The following TAF4B variants were observed in gnomAD, a reference collection of about 807,000 sequenced individuals.
TAF4B encodes the protein TATA-box binding protein associated factor 4b.
In TAF4B, 38 loss-of-function variants were observed where a neutral mutation model predicts 86.4. That is an observed-to-expected ratio of 0.44 (90% confidence interval 0.34 to 0.58). The LOEUF (loss-of-function observed/expected upper bound fraction) is 0.58. TAF4B is among the 20% of genes least tolerant of loss of function. The probability of loss-of-function intolerance (pLI) is 0.02; values close to 1 mark genes in which losing one functional copy is unlikely to be tolerated. For missense variants in TAF4B, 988 were observed against 1,027.6 expected (o/e 0.96, Z 0.53); for synonymous variants, 388 against 391.2 (o/e 0.99, Z 0.10).
chr18:26,363,083 T>C (rs1050933311), intron 14 of TAF4B, among the ~76,000 whole-genome samples: 12 of 152,104 alleles, frequency 7.9e-5, no homozygotes, highest in Admixed American at 2.0e-4. Flanking sequence ...GTTTTTGCTA[T>C]CTATATCTTG....
In TAF4B at chr18:26,335,160, C is replaced by G. The variant is rs746584781; in HGVS notation, c.2260-15C>G. The stretch of plus-strand genomic sequence containing the variant: ...TGCTAGTAATTTCTATTAAAATTTT[C>G]TTTTCCTTTGATAGAGTCGTTCTAA... On this transcript the variant is annotated splice_polypyrimidine_tract_variant and intron_variant, in intron 12 of 14. Coordinates refer to ENST00000269142, the MANE Select transcript of TAF4B (RefSeq NM_005640.3). 4.4e-6 allele frequency: 7 copies of G among 1,601,320 alleles called. No homozygotes were observed. Among genetic ancestry groups the G allele is most frequent in the Non-Finnish European group, 6.0e-6 (7 of 1,170,082 alleles).
At chr18:26,353,384 A>G (rs2057260546) in intron 13 of TAF4B, among the ~76,000 whole-genome samples, 1 of 152,216 alleles carries the variant, frequency 6.6e-6, no homozygotes, top group African/African-American at 2.4e-5. Context: ...AATATGTTTG[A>G]TAAAATTTAA....
At position 26,265,322 on chromosome 18, in the gene TAF4B, T is replaced by A; in HGVS notation, c.489+7T>A. The A allele has an allele frequency of 6.3e-7, 1 of 1,583,022 alleles. No individual in the cohort carries two copies. On this transcript the variant is annotated splice_region_variant and intron_variant, in intron 2 of 14. Coordinates refer to ENST00000269142, the MANE Select transcript of TAF4B (RefSeq NM_005640.3). ...CAAAATCTGTACAGTGCCGGTAATA[T>A]ACCTTAAATATTTTTCATCTTTCTT...
At chr18:26,379,803 G>A (rs2057466106) in intron 14 of TAF4B, among the ~76,000 whole-genome samples, 1 of 151,988 alleles carries the variant, frequency 6.6e-6, no homozygotes, top group African/African-American at 2.4e-5. Flanking sequence ...GCAATACTGA[G>A]GCTTCTAATA....
At chr18:26,289,600 C>T (rs944252926) in intron 7 of TAF4B, among the ~76,000 whole-genome samples, 1 of 152,170 alleles carries the variant, frequency 6.6e-6, no homozygotes, top group African/African-American at 2.4e-5. Context: ...AATCCTCCCA[C>T]CTCTGCCTCC....
intron 13 of TAF4B, among the ~76,000 whole-genome samples, chr18:26,350,832 G>A (rs182945245): frequency 3.9e-5 from 6 of 152,122 alleles, no homozygotes; most frequent in East Asian, 1.9e-4. Context: ...GATATCATTC[G>A]ACCCCAGTGA....
In TAF4B at chr18:26,317,894, A is replaced by T. The variant is rs1268944527; in HGVS notation, c.2002+2496A>T. ...ACATGAATGACTTTTGGGGAGATGC[A>T]AACATTTAGTCCATGCAACTGTATC... On this transcript the variant is annotated intron_variant, in intron 10 of 14. Transcript: ENST00000269142. Among the ~76,000 whole-genome samples the T allele has an allele frequency of 2.0e-5, 3 of 152,194 alleles. No homozygotes were observed. The East Asian group carries it at 5.8e-4, about 29-fold the overall frequency.
chr18:26,235,097 G>A (rs531964201), intron 1 of TAF4B, among the ~76,000 whole-genome samples: 26 of 152,242 alleles, frequency 1.7e-4, no homozygotes, highest in South Asian at 1.2e-3. Context: ...TCTCTGTGGC[G>A]TATAAAGAGA....
chr18:26,332,594 G>T (rs531748182), intron 12 of TAF4B, among the ~76,000 whole-genome samples: 1 of 151,846 alleles, frequency 6.6e-6, no homozygotes, highest in South Asian at 2.1e-4. Flanking sequence ...CAATGGGGTG[G>T]TCTCGGCTCA....
At chr18:26,269,880 C>T (rs1367497981) in intron 3 of TAF4B, among the ~76,000 whole-genome samples, 2 of 152,114 alleles carry the variant, frequency 1.3e-5, no homozygotes, top group African/African-American at 2.4e-5. Flanking sequence ...TACTGATTAT[C>T]TCAAAACCTA....
At chr18:26,367,995 T>A (rs2057382586) in intron 14 of TAF4B, among the ~76,000 whole-genome samples, 1 of 152,346 alleles carries the variant, frequency 6.6e-6, no homozygotes, top group East Asian at 1.9e-4. Flanking sequence ...TTTTTATTTA[T>A]TGCATCTCTA....
chr18:26,309,968 GCATGCAACCATGCC>G (rs1004160631), intron 9 of TAF4B, among the ~76,000 whole-genome samples: 5 of 152,106 alleles, frequency 3.3e-5, no homozygotes, highest in African/African-American at 1.2e-4. Context: ...GGGATTAGAG[GCATGCAACCATGCC>G]CAGCTCATTT....
intron 8 of TAF4B, 43 bp from the exon 9 acceptor site, chr18:26,293,383 T>A (rs1568133446): frequency 7.1e-7 from 1 of 1,411,738 alleles, no homozygotes; most frequent in Non-Finnish European, 9.8e-7. Context: ...TGTGGTGTGA[T>A]TGCTTTTTTT....
At chr18:26,274,867 A>G in intron 4 of TAF4B, 43 bp downstream of exon 4, 1 of 1,613,064 alleles carries the variant, frequency 6.2e-7, no homozygotes, top group Non-Finnish European at 8.5e-7. Flanking sequence ...GTTCCTTGCA[A>G]GTTCTTTTGA....
chr18:26,283,766 G>C (rs765019286), intron 6 of TAF4B, among the ~76,000 whole-genome samples: 1 of 152,016 alleles, frequency 6.6e-6, no homozygotes, highest in Admixed American at 6.6e-5. Flanking sequence ...AAAATCTGTC[G>C]TTGGCCAGGC....
chr18:26,321,704 C>T (rs2056964611), intron 11 of TAF4B, among the ~76,000 whole-genome samples: 1 of 152,002 alleles, frequency 6.6e-6, no homozygotes. Context: ...TTTTCATTAT[C>T]TCAAATCTAC....
Position 26,285,951 on chromosome 18 carries a change from A to G in TAF4B, c.1042A>G (p.Thr348Ala), listed in dbSNP as rs1329078749. Residue 348 changes from threonine (T) to alanine (A), a missense_variant, in exon 7 of 15, where the codon ACT becomes GCT. By Grantham distance (58) the Thr-to-Ala change is moderately conservative (BLOSUM62 0). This residue lies in a region of TAF4B where 747 missense variants were observed against 737.9 expected (regional missense o/e 1.01). Transcript: ENST00000269142. ...QSFIQQCVQQ[T>A]SSDMVIATCT... ...CTTCATCCAGCAATGTGTTCAGCAG[A>G]CTTCTAGTGACATGGTCATTGCTAC... The G allele has an allele frequency of 1.9e-6, 3 of 1,614,186 alleles. No homozygotes were observed. The highest frequency in any genetic ancestry group is 1.7e-6 in the Non-Finnish European group (2 of 1,180,024).
chr18:26,287,377 AT>A (rs1354081408), intron 7 of TAF4B, among the ~76,000 whole-genome samples: 2 of 152,058 alleles, frequency 1.3e-5, no homozygotes, highest in African/African-American at 2.4e-5. Flanking sequence ...TGCCCAGAAT[AT>A]TTGCAGAATA....
chr18:26,345,150 A>G (rs2057166676), intron 13 of TAF4B, among the ~76,000 whole-genome samples: 1 of 152,062 alleles, frequency 6.6e-6, no homozygotes. Flanking sequence ...CCTACCCCCT[A>G]CAGATAAGCT....
Sources: gnomAD v4.1 joint callset for allele counts (sites outside exome capture counted in the v4.1 genomes callset) on GRCh38, gnomAD v4.1.1 for gene constraint, gnomAD v4.1.1 regional missense constraint, MANE v1.5 for transcripts, NCBI Gene and HGNC (gene_info 2026-07-23, HGNC 2026-07-21) for gene names.